The following COX14 variants were observed in gnomAD, a reference collection of about 807,000 sequenced individuals.
The protein encoded by COX14 is cytochrome c oxidase assembly factor COX14, also known as cytochrome c oxidase assembly protein COX14.
In COX14, 3 loss-of-function variants were observed where a neutral mutation model predicts 5.8. The observed-to-expected ratio is 0.51, with a 90% confidence interval of 0.23 to 1.33. COX14 has a LOEUF of 1.33. COX14 is among the 40% of genes most tolerant of loss of function. COX14 has a pLI of 0.18. For missense variants in COX14, 72 were observed against 72.1 expected (o/e 1.00, Z 0.01); for synonymous variants, 25 against 26.1 (o/e 0.96, Z 0.13).
intron 1 of COX14, chr12:50,113,052 TTAAA>T (rs1372747475): frequency 4.0e-5 from 6 of 151,638 alleles, no homozygotes; most frequent in Non-Finnish European, 5.9e-5. Flanking sequence ...GTTGTTGTTT[TTAAA>T]TAGAGAAAAG....
At chr12:50,114,600 C>T (rs1951062154) in intron 1 of COX14, among the ~76,000 whole-genome samples, 1 of 151,794 alleles carries the variant, frequency 6.6e-6, no homozygotes, top group Non-Finnish European at 1.5e-5. Flanking sequence ...CTTCTTTGAA[C>T]TGTTGCTCCC....
intron 1 of COX14, among the ~76,000 whole-genome samples, chr12:50,117,864 C>T (rs1951095497): frequency 6.6e-6 from 1 of 151,974 alleles, no homozygotes; most frequent in South Asian, 2.1e-4. Context: ...CTGCCTCAGC[C>T]TCCTGAGTAG....
At chr12:50,114,495 G>T (rs1188437119) in intron 1 of COX14, among the ~76,000 whole-genome samples, 2 of 151,950 alleles carry the variant, frequency 1.3e-5, no homozygotes, top group Non-Finnish European at 2.9e-5. Flanking sequence ...CAGGTGATCC[G>T]CCCTCCTCGG....
intron 1 of COX14, among the ~76,000 whole-genome samples, chr12:50,116,424 A>G (rs1951081574): frequency 6.6e-6 from 1 of 152,212 alleles, no homozygotes; most frequent in Non-Finnish European, 1.5e-5. Flanking sequence ...ATATTAGGGA[A>G]AACCACAGGA....
chr12:50,114,825 C>T (rs1430023949), intron 1 of COX14, among the ~76,000 whole-genome samples: 1 of 119,186 alleles, frequency 8.4e-6, no homozygotes, highest in African/African-American at 3.3e-5. Flanking sequence ...ACTCTGTCGC[C>T]AGGCTGGAGT....
intron 1 of COX14, among the ~76,000 whole-genome samples, chr12:50,117,912 T>G (rs1241057241): frequency 6.6e-6 from 1 of 151,646 alleles, no homozygotes; most frequent in African/African-American, 2.4e-5. Context: ...CCCAGCTAAT[T>G]TTTTGTATTT....
chr12:50,112,557 C>T (rs370462184), intron 1 of COX14: 2 of 793,478 alleles, frequency 2.5e-6, no homozygotes, highest in South Asian at 5.7e-5. Context: ...CCTGGCGTCT[C>T]GACCCTCCAC....
chr12:50,116,285 G>A (rs956556046), intron 1 of COX14, among the ~76,000 whole-genome samples: 1 of 152,140 alleles, frequency 6.6e-6, no homozygotes, highest in East Asian at 1.9e-4. Context: ...TAGAGACAGG[G>A]TTTTGCCATG....
At chr12:50,118,386 A>G in intron 1 of COX14, 1 of 978,732 alleles carries the variant, frequency 1.0e-6, no homozygotes, top group Non-Finnish European at 1.2e-6. Flanking sequence ...CTTTCACTGC[A>G]GTTTCTGTCA....
At chr12:50,113,075 A>G (rs1040370983) in intron 1 of COX14, among the ~76,000 whole-genome samples, 14 of 150,524 alleles carry the variant, frequency 9.3e-5, no homozygotes, top group South Asian at 2.1e-4. Context: ...AGGTCTCCCT[A>G]TGTTGCCCAA....
intron 1 of COX14, among the ~76,000 whole-genome samples, chr12:50,118,048 C>G (rs7956079): frequency 0.38 from 50,336 of 133,906 alleles, 9,370 homozygotes; most frequent in East Asian, 0.77. Flanking sequence ...TGGCACCCCC[C>G]CTTTTTTTTT....
chr12:50,112,334 C>T, intron 1 of COX14, 33 bp downstream of exon 1: 2 of 985,512 alleles, frequency 2.0e-6, no homozygotes, highest in Non-Finnish European at 2.4e-6. Flanking sequence ...GCAGGGGCTG[C>T]CAGTCCCACT....
At chr12:50,113,696 G>T (rs1043294147) in intron 1 of COX14, among the ~76,000 whole-genome samples, 4 of 152,030 alleles carry the variant, frequency 2.6e-5, no homozygotes, top group Middle Eastern at 3.4e-3. Context: ...ACAGTGGCGC[G>T]ATCTCGGCTC....
intron 1 of COX14, among the ~76,000 whole-genome samples, chr12:50,116,093 GTT>G (rs35100135): frequency 0.63 from 78,530 of 125,026 alleles, 23,331 homozygotes; most frequent in East Asian, 0.86. Flanking sequence ...AATCTGAAGA[GTT>G]TTTTTTTTTT....
chr12:50,113,375 C>G (rs1951048360), intron 1 of COX14, among the ~76,000 whole-genome samples: 1 of 149,754 alleles, frequency 6.7e-6, no homozygotes, highest in African/African-American at 2.5e-5. Context: ...GGGATCTCGG[C>G]TCACTACAAG....
intron 1 of COX14, chr12:50,112,584 T>C (rs550279659): frequency 3.5e-4 from 197 of 569,914 alleles, no homozygotes; most frequent in Non-Finnish European, 4.0e-4. Context: ...ACTCTGCCTC[T>C]TCCTTGCTCT....
intron 1 of COX14, among the ~76,000 whole-genome samples, chr12:50,115,154 G>T (rs555508824): frequency 2.7e-5 from 4 of 147,788 alleles, no homozygotes; most frequent in Non-Finnish European, 6.0e-5. Flanking sequence ...CGATTCTCCT[G>T]CCTCAGCCTC....
chr12:50,118,913 C>T (rs1565753392), intron 1 of COX14, among the ~76,000 whole-genome samples: 1 of 152,172 alleles, frequency 6.6e-6, no homozygotes, highest in East Asian at 1.9e-4. Context: ...GGAACACATT[C>T]ATAGTCCCAA....
chr12:50,119,480 C>T (rs1951111128), intron 1 of COX14, among the ~76,000 whole-genome samples: 1 of 152,132 alleles, frequency 6.6e-6, no homozygotes, highest in Non-Finnish European at 1.5e-5. Context: ...TCACTTGAGC[C>T]CAGGAGTTCA....
Sources: gnomAD v4.1 joint callset for allele counts (sites outside exome capture counted in the v4.1 genomes callset) on GRCh38, gnomAD v4.1.1 for gene constraint, MANE v1.5 for transcripts, NCBI Gene and HGNC (gene_info 2026-07-23, HGNC 2026-07-21) for gene names.